FNDC3B: variants seen among roughly 807,000 people sequenced by gnomAD.
FNDC3B encodes fibronectin type III domain-containing protein 3B.
Under a neutral mutation model 151.5 loss-of-function variants are expected in FNDC3B, and 12 were observed. The observed-to-expected ratio is 0.08, with a 90% CI of 0.05 to 0.13. The LOEUF is 0.13. FNDC3B is among the 10% of genes least tolerant of loss of function. The pLI, the probability that FNDC3B is intolerant of heterozygous loss-of-function variation, is 1.00. For synonymous variants in FNDC3B, 528 were observed against 549.0 expected (o/e 0.96, Z 0.54); for missense variants, 1,214 against 1,505.3 (o/e 0.81, Z 3.20).
At chr3:172,317,127 G>GA (rs954058494) in intron 11 of FNDC3B, 169 of 430,564 alleles carry the variant, frequency 3.9e-4, no homozygotes, top group South Asian at 7.1e-4. Flanking sequence ...CCTTTTCAAG[G>GA]AAAAAAAAAT....
intron 23 of FNDC3B, among the ~76,000 whole-genome samples, chr3:172,367,681 C>T (rs374470837): frequency 6.6e-6 from 1 of 152,202 alleles, no homozygotes; most frequent in Non-Finnish European, 1.5e-5. Context: ...CTAACAGAAT[C>T]GGAGTTGATG....
chr3:172,303,559 G>A (rs1731041720), intron 9 of FNDC3B, among the ~76,000 whole-genome samples: 1 of 152,156 alleles, frequency 6.6e-6, no homozygotes, highest in Non-Finnish European at 1.5e-5. Context: ...TGAAACAAAT[G>A]TGAAAACAAG....
At chr3:172,330,738 T>G (rs1421379964) in intron 13 of FNDC3B, 23 bp downstream of exon 13, 10 of 1,585,844 alleles carry the variant, frequency 6.3e-6, no homozygotes, top group Non-Finnish European at 7.8e-6. Context: ...GATTTTATAC[T>G]TCTCTGTGTT....
chr3:172,150,389 A>G (rs1722159833), intron 3 of FNDC3B, among the ~76,000 whole-genome samples: 2 of 152,042 alleles, frequency 1.3e-5, no homozygotes, highest in African/African-American at 4.8e-5. Context: ...GTACCTTTTC[A>G]TTTTAGGTGT....
intron 11 of FNDC3B, among the ~76,000 whole-genome samples, chr3:172,318,486 A>T (rs1731925436): frequency 6.6e-6 from 1 of 152,234 alleles, no homozygotes; most frequent in Non-Finnish European, 1.5e-5. Context: ...CATATGGATG[A>T]TCTCTCATAA....
chr3:172,117,903 A>G (rs2108548864), intron 2 of FNDC3B, among the ~76,000 whole-genome samples: 1 of 152,366 alleles, frequency 6.6e-6, no homozygotes, highest in African/African-American at 2.4e-5. Context: ...AAACATATAC[A>G]GAAAACTCGC....
At chr3:172,382,950 C>A (rs879439659) in intron 25 of FNDC3B, among the ~76,000 whole-genome samples, 10 of 152,106 alleles carry the variant, frequency 6.6e-5, no homozygotes, top group Non-Finnish European at 1.3e-4. Context: ...TGGCTATACA[C>A]ACTCTTTTTT....
intron 9 of FNDC3B, among the ~76,000 whole-genome samples, chr3:172,300,649 C>T (rs1252660864): frequency 6.6e-6 from 1 of 152,162 alleles, no homozygotes; most frequent in African/African-American, 2.4e-5. Flanking sequence ...TCTAGACTTT[C>T]TCCTGACACA....
At chr3:172,324,562 G>A (rs1317269201) in intron 11 of FNDC3B, among the ~76,000 whole-genome samples, 2 of 117,062 alleles carry the variant, frequency 1.7e-5, no homozygotes, top group Non-Finnish European at 3.4e-5. Context: ...TCACATTGTA[G>A]TAAAGAAAGA....
At chr3:172,331,812 T>C (rs892912075) in intron 13 of FNDC3B, among the ~76,000 whole-genome samples, 3 of 152,178 alleles carry the variant, frequency 2.0e-5, no homozygotes, top group Admixed American at 6.5e-5. Context: ...CTTTGGGCAG[T>C]CCTTCCCTGA....
intron 1 of FNDC3B, among the ~76,000 whole-genome samples, chr3:172,091,609 G>A (rs780786080): frequency 1.1e-4 from 16 of 152,094 alleles, no homozygotes; most frequent in Non-Finnish European, 2.2e-4. Context: ...GTGTATATTT[G>A]CTTTGGAGCA....
rs1491505881 is a variant in FNDC3B at position 172,392,810 on chromosome 3, C to CTTTCTTTTTTTTTTTTTT, written c.3304-4351_3304-4350insCTTTTTTTTTTTTTTTTT. On this transcript the variant is annotated intron_variant, in intron 25 of 25. Coordinates refer to ENST00000415807, the MANE Select transcript of FNDC3B (RefSeq NM_022763.4). ...GAATGAATTTTTTCTTTTTTTTTTTCTTTTTTTTTTTTCAGACAGAGAGTA... is the reference window on the plus strand; with the variant it reads ...GAATGAATTTTTTCTTTTTTTTTTTCTTTCTTTTTTTTTTTTTTTTTTTTTTTTTTCAGACAGAGAGTA... Among the ~76,000 whole-genome samples, 3 of 99,902 alleles carry CTTTCTTTTTTTTTTTTTT rather than the reference C, an allele frequency of 3.0e-5. 1 individual carries two copies. Among genetic ancestry groups the CTTTCTTTTTTTTTTTTTT allele is most frequent in the Non-Finnish European group, 3.7e-5 (2 of 53,828 alleles). The allele number at this position is 99,902 out of a possible 152,430, so 65.5% of individuals were successfully genotyped here.
At chr3:172,180,809 G>A (rs1279928641) in intron 3 of FNDC3B, among the ~76,000 whole-genome samples, 2 of 152,194 alleles carry the variant, frequency 1.3e-5, no homozygotes, top group African/African-American at 2.4e-5. Context: ...TGTGGAACCA[G>A]TTCTAAAGCT....
At position 172,110,357 on chromosome 3, in the gene FNDC3B, T is replaced by G. The variant is rs186675075; in HGVS notation, c.-28-2095T>G. ...AGCTGCAAATCCAAGTGTTCAAAAC[T>G]TTGGTTAGATGGGTTGGACCACATG... is the stretch of plus-strand genomic sequence containing the variant. On this transcript the variant is annotated intron_variant, in intron 1 of 25. Transcript: ENST00000415807. 4.6e-5 allele frequency among the ~76,000 whole-genome samples: 7 copies of G among 152,110 alleles called. No homozygotes were observed. In the East Asian group the frequency reaches 1.4e-3, roughly 30 times the overall value.
chr3:172,041,243 CCT>C, intron 1 of FNDC3B, among the ~76,000 whole-genome samples: 1 of 152,194 alleles, frequency 6.6e-6, no homozygotes, highest in Non-Finnish European at 1.5e-5. Context: ...GTGGGCACCC[CCT>C]GATTGCTTGT....
At chr3:172,279,036 CAG>C (rs1729570949) in intron 6 of FNDC3B, among the ~76,000 whole-genome samples, 1 of 152,136 alleles carries the variant, frequency 6.6e-6, no homozygotes, top group Non-Finnish European at 1.5e-5. Flanking sequence ...GGGAATCTGA[CAG>C]AAATGAGCAT....
chr3:172,058,967 T>C (rs752327782), intron 1 of FNDC3B, among the ~76,000 whole-genome samples: 11 of 152,222 alleles, frequency 7.2e-5, no homozygotes, highest in Non-Finnish European at 1.3e-4. Context: ...TTTCTCCGTG[T>C]CCTAATTCCC....
At chr3:172,153,021 C>T (rs533447397) in intron 3 of FNDC3B, among the ~76,000 whole-genome samples, 10 of 152,266 alleles carry the variant, frequency 6.6e-5, no homozygotes, top group Non-Finnish European at 1.3e-4. Flanking sequence ...GTAGTGACCA[C>T]TTTTCTGTGT....
intron 9 of FNDC3B, among the ~76,000 whole-genome samples, chr3:172,306,129 G>A (rs1437995400): frequency 6.6e-6 from 1 of 152,164 alleles, no homozygotes; most frequent in Non-Finnish European, 1.5e-5. Context: ...TGGACTTTGT[G>A]GAGAAATGAC....
Sources: gnomAD v4.1 joint callset for allele counts (sites outside exome capture counted in the v4.1 genomes callset) on GRCh38, gnomAD v4.1.1 for gene constraint, MANE v1.5 for transcripts, NCBI Gene and HGNC (gene_info 2026-07-23, HGNC 2026-07-21) for gene names.